BCLAF3: variants seen among roughly 807,000 people sequenced by gnomAD.
The protein encoded by BCLAF3 is transient octamer binding factor 1.
A neutral mutation model predicts 51.2 loss-of-function variants in BCLAF3; 24 were observed. The observed-to-expected ratio is 0.47, with a 90% confidence interval of 0.34 to 0.66. The LOEUF (loss-of-function observed/expected upper bound fraction) is 0.66, where lower values mean the gene tolerates loss of function less well. BCLAF3 is among the 30% of genes least tolerant of loss of function. BCLAF3 has a pLI of 0.01. For synonymous variants in BCLAF3, 152 were observed against 176.6 expected, an observed-to-expected ratio of 0.86 and a Z score of 1.10; for missense variants, 465 against 525.1, an observed-to-expected ratio of 0.89 and a Z score of 1.12.
intron 11 of BCLAF3, among the ~76,000 whole-genome samples, chrX:19,926,390 T>A (rs1246761788): frequency 9.0e-6 from 1 of 111,318 alleles, no homozygotes; most frequent in Non-Finnish European, 1.9e-5. Context: ...ACTTCTTATG[T>A]CCTATGATGA....
chrX:19,939,602 G>T (rs2070920071), intron 8 of BCLAF3, among the ~76,000 whole-genome samples: 1 of 111,717 alleles, frequency 9.0e-6, no homozygotes, highest in South Asian at 3.7e-4. Context: ...TAACCAAAAA[G>T]ATGACAATAC....
intron 1 of BCLAF3, among the ~76,000 whole-genome samples, chrX:19,989,409 T>A (rs985015698): frequency 9.0e-6 from 1 of 111,459 alleles, no homozygotes; most frequent in Non-Finnish European, 1.9e-5. Context: ...CACAGGGGAA[T>A]CACTTGAACC....
At chrX:19,974,061 G>T (rs1422729417) in intron 1 of BCLAF3, among the ~76,000 whole-genome samples, 14 of 111,661 alleles carry the variant, frequency 1.3e-4, no homozygotes, top group African/African-American at 4.6e-4. Context: ...GGTACACTCA[G>T]GGGATTGGTT....
chrX:19,940,724 T>C (rs1283411817), intron 8 of BCLAF3, among the ~76,000 whole-genome samples: 1 of 108,884 alleles, frequency 9.2e-6, no homozygotes, highest in Non-Finnish European at 1.9e-5. Flanking sequence ...AATGCCGCAA[T>C]AAACATACGT....
chrX:19,951,959 G>A (rs777254405), intron 7 of BCLAF3, among the ~76,000 whole-genome samples: 42 of 111,504 alleles, frequency 3.8e-4, no homozygotes, highest in Non-Finnish European at 3.8e-5. Flanking sequence ...GTCATAAAAG[G>A]TCATAGCGAA....
chrX:19,981,690 T>C (rs2072617072), intron 1 of BCLAF3, among the ~76,000 whole-genome samples: 1 of 112,079 alleles, frequency 8.9e-6, no homozygotes, highest in Non-Finnish European at 1.9e-5. Flanking sequence ...CATTTGACCA[T>C]AAAAGGGAAT....
intron 1 of BCLAF3, chrX:19,985,005 C>T (rs918971634): frequency 2.7e-5 from 3 of 111,933 alleles, no homozygotes; most frequent in Admixed American, 1.9e-4. Flanking sequence ...AAAGAAATAA[C>T]GACACTGAAA....
intron 8 of BCLAF3, among the ~76,000 whole-genome samples, chrX:19,941,721 G>C (rs1189425957): frequency 3.0e-4 from 32 of 107,351 alleles, no homozygotes; most frequent in Non-Finnish European, 5.4e-4. Flanking sequence ...CTCCAGCTTT[G>C]TTCTTTTAGC....
rs192071729 is a variant in BCLAF3, at chrX:19,965,826, C to G, written c.612-120G>C. The G allele has an allele frequency of 1.1e-4, 81 of 748,007 alleles. No individual in the cohort carries two copies. The African/African-American group carries it at 1.5e-3, about 14-fold the overall frequency. The allele number at this position is 748,007 out of a possible 1,213,427, so 61.6% of individuals were successfully genotyped here. ...AATGCAGTGGCAAGTTAATCTATAACCCTTTAAGCCAATTCTATAGGCACA... is the reference window on the plus strand; with the variant it reads ...AATGCAGTGGCAAGTTAATCTATAAGCCTTTAAGCCAATTCTATAGGCACA... On this transcript the variant is annotated intron_variant, in intron 3 of 11. Transcript: ENST00000379682.
intron 8 of BCLAF3, among the ~76,000 whole-genome samples, chrX:19,950,144 A>G: frequency 8.9e-6 from 1 of 112,122 alleles, no homozygotes; most frequent in Admixed American, 9.5e-5. Context: ...TTACAGATGA[A>G]GAGGCTCCAG....
chrX:19,926,337 A>G (rs1444769714), intron 11 of BCLAF3, among the ~76,000 whole-genome samples: 1 of 111,468 alleles, frequency 9.0e-6, no homozygotes, highest in Non-Finnish European at 1.9e-5. Flanking sequence ...CCTAGGCCTA[A>G]AGATTGGAGA....
chrX:19,982,515 A>G (rs1316508438), intron 1 of BCLAF3, among the ~76,000 whole-genome samples: 1 of 108,346 alleles, frequency 9.2e-6, no homozygotes, highest in Non-Finnish European at 1.9e-5. Flanking sequence ...ACAGTTGTCT[A>G]TCATTATCCT....
chrX:19,958,976 C>T (rs1460809013), intron 4 of BCLAF3, among the ~76,000 whole-genome samples: 2 of 112,164 alleles, frequency 1.8e-5, no homozygotes, highest in Admixed American at 1.9e-4. Context: ...ACTTCATAGA[C>T]AGCAATCCTC....
chrX:19,966,717 A>G, intron 2 of BCLAF3, 68 bp from the exon 3 acceptor site: 1 of 954,023 alleles, frequency 1.0e-6, no homozygotes, highest in Non-Finnish European at 1.4e-6. Context: ...ATGACCTACC[A>G]AAAACAGTTG....
chrX:19,954,588 G>A (rs779723481), intron 5 of BCLAF3, among the ~76,000 whole-genome samples: 1 of 112,067 alleles, frequency 8.9e-6, no homozygotes, highest in Admixed American at 9.5e-5. Flanking sequence ...GAGCTGAGAG[G>A]ATGAACTGTT....
chrX:19,952,903 C>G, intron 7 of BCLAF3, 85 bp downstream of exon 7: 1 of 724,412 alleles, frequency 1.4e-6, no homozygotes, highest in African/African-American at 2.1e-5. Flanking sequence ...TACTTTAACT[C>G]CCTTTTCTCT....
At chrX:19,973,424 C>G (rs187116448) in intron 1 of BCLAF3, among the ~76,000 whole-genome samples, 132 of 111,028 alleles carry the variant, frequency 1.2e-3, no homozygotes, top group African/African-American at 4.0e-3. Context: ...AACTAATAAC[C>G]CAAATGCTCA....
At chrX:19,922,803 A>T (rs1237559742) in intron 11 of BCLAF3, among the ~76,000 whole-genome samples, 2 of 110,531 alleles carry the variant, frequency 1.8e-5, no homozygotes, top group Non-Finnish European at 3.8e-5. Context: ...GGGAGGCTGA[A>T]GCAGGAGAAT....
intron 7 of BCLAF3, among the ~76,000 whole-genome samples, chrX:19,951,362 C>T (rs1016466053): frequency 1.8e-5 from 2 of 109,907 alleles, no homozygotes; most frequent in African/African-American, 6.6e-5. Context: ...CTTTGGGAGG[C>T]CAAGGTGGGC....
Sources: allele counts gnomAD v4.1 joint callset (sites outside exome capture counted in the v4.1 genomes callset), GRCh38; gene constraint gnomAD v4.1.1; transcripts MANE v1.5; gene names NCBI Gene and HGNC (gene_info 2026-07-23, HGNC 2026-07-21).